The following NAV2 variants were observed in gnomAD, a reference collection of about 807,000 sequenced individuals.
NAV2 encodes helicase, APC down-regulated 1.
Under a neutral mutation model 223.2 loss-of-function variants are expected in NAV2, and 54 were observed. The ratio of observed to expected loss-of-function variants is 0.24; its 90% CI spans 0.19 to 0.30. NAV2 has a LOEUF of 0.30. Among genes scored for constraint, NAV2 ranks in the 10% least tolerant of loss-of-function variants. NAV2 has a pLI of 1.00. For synonymous variants in NAV2, 1,279 were observed against 1,239.3 expected (o/e 1.03, Z -0.67); for missense variants, 2,806 against 3,147.5 (o/e 0.89, Z 2.60).
chr11:19,481,446 T>C (rs778530853), intron 1 of NAV2, among the ~76,000 whole-genome samples: 4 of 152,174 alleles, frequency 2.6e-5, no homozygotes, highest in Non-Finnish European at 5.9e-5. Flanking sequence ...TTCTGCTAAA[T>C]ATCCAAGCAG....
At chr11:19,468,081 G>A (rs1216307501) in intron 1 of NAV2, among the ~76,000 whole-genome samples, 2 of 152,304 alleles carry the variant, frequency 1.3e-5, no homozygotes, top group Non-Finnish European at 2.9e-5. Flanking sequence ...GACTGTCCTA[G>A]GGAGAGGCTG....
intron 1 of NAV2, among the ~76,000 whole-genome samples, chr11:19,800,759 A>G (rs1247646417): frequency 1.3e-5 from 2 of 150,620 alleles, no homozygotes; most frequent in African/African-American, 4.9e-5. Flanking sequence ...GTCTTTTGGG[A>G]ACTTTTGTGC....
At chr11:19,512,828 G>A (rs1400337058) in intron 1 of NAV2, among the ~76,000 whole-genome samples, 1 of 152,174 alleles carries the variant, frequency 6.6e-6, no homozygotes, top group Middle Eastern at 3.2e-3. Flanking sequence ...AGATCAGCAC[G>A]ATATTGCATT....
chr11:19,652,239 G>A (rs908323167), intron 1 of NAV2, among the ~76,000 whole-genome samples: 19 of 152,124 alleles, frequency 1.2e-4, no homozygotes, highest in Non-Finnish European at 2.1e-4. Context: ...AGGAATCTTG[G>A]TTTATTACAA....
intron 1 of NAV2, among the ~76,000 whole-genome samples, chr11:19,509,897 A>G (rs2043226503): frequency 6.6e-6 from 1 of 152,190 alleles, no homozygotes; most frequent in South Asian, 2.1e-4. Flanking sequence ...TTTAGCAGGC[A>G]GGGACCCACC....
chr11:19,844,460 AGCC>A (rs1157020446), intron 3 of NAV2, among the ~76,000 whole-genome samples: 4 of 152,216 alleles, frequency 2.6e-5, no homozygotes, highest in African/African-American at 9.6e-5. Flanking sequence ...CAGATTGAGT[AGCC>A]CTAATCTGAA....
chr11:19,964,756 C>T (rs1045074251), intron 10 of NAV2, among the ~76,000 whole-genome samples: 4 of 151,704 alleles, frequency 2.6e-5, no homozygotes, highest in Admixed American at 6.6e-5. Context: ...CTGTCTCAGC[C>T]TCCCAAAACG....
At chr11:19,402,887 T>G (rs143707253) in intron 1 of NAV2, among the ~76,000 whole-genome samples, 285 of 152,176 alleles carry the variant, frequency 1.9e-3, no homozygotes, top group African/African-American at 6.7e-3. Context: ...AGAAAGAACA[T>G]AGAGATAAGA....
At chr11:20,103,790 G>A (rs190486605) in intron 34 of NAV2, 66 bp downstream of exon 34, 67 of 1,370,580 alleles carry the variant, frequency 4.9e-5, no homozygotes, top group Admixed American at 4.2e-4. Context: ...AAGAAGGGGC[G>A]GGTAGAGATG....
intron 1 of NAV2, among the ~76,000 whole-genome samples, chr11:19,358,699 G>A (rs1409312678): frequency 2.0e-5 from 3 of 152,062 alleles, no homozygotes; most frequent in African/African-American, 7.2e-5. Context: ...CAGAATCCAG[G>A]TTTTTGTCTG....
intron 1 of NAV2, among the ~76,000 whole-genome samples, chr11:19,514,208 T>C (rs141125104): frequency 3.9e-4 from 59 of 152,268 alleles, no homozygotes; most frequent in African/African-American, 1.3e-3. Context: ...AGCTCTTCTC[T>C]AGGGTGTTTT....
intron 11 of NAV2, among the ~76,000 whole-genome samples, chr11:20,003,285 C>T (rs927918351): frequency 3.9e-5 from 6 of 152,120 alleles, no homozygotes; most frequent in African/African-American, 1.4e-4. Context: ...AGGATGGATT[C>T]GGATGACATC....
chr11:19,466,984 T>TACACACACAC (rs3042688), intron 1 of NAV2, among the ~76,000 whole-genome samples: 5,461 of 124,482 alleles, frequency 0.044, 112 homozygotes, highest in Admixed American at 0.074. Flanking sequence ...TCTCTCTCTC[T>TACACACACAC]ACACACACAC....
At chr11:20,101,321 C>G (rs1157847950) in intron 32 of NAV2, 149 bp downstream of exon 32, 2 of 640,518 alleles carry the variant, frequency 3.1e-6, no homozygotes, top group African/African-American at 1.8e-5. Flanking sequence ...AGGGGGCTAG[C>G]AGAAAAGAAG....
At chr11:19,869,751 T>C (rs950269049) in intron 4 of NAV2, among the ~76,000 whole-genome samples, 7 of 152,150 alleles carry the variant, frequency 4.6e-5, no homozygotes, top group Admixed American at 1.3e-4. Context: ...AGTTTGGGCT[T>C]CAGATGATAG....
intron 1 of NAV2, among the ~76,000 whole-genome samples, chr11:19,402,807 C>T (rs1430146380): frequency 6.6e-6 from 1 of 152,190 alleles, no homozygotes; most frequent in Non-Finnish European, 1.5e-5. Flanking sequence ...GCGCATGGCA[C>T]ATTGTGGGTT....
intron 16 of NAV2, among the ~76,000 whole-genome samples, chr11:20,050,834 T>A (rs1048455251): frequency 6.6e-6 from 1 of 152,168 alleles, no homozygotes; most frequent in African/African-American, 2.4e-5. Flanking sequence ...CTCCAACAAG[T>A]CTGTTCTCCC....
chr11:19,401,381 G>A (rs1849678910), intron 1 of NAV2, among the ~76,000 whole-genome samples: 1 of 152,222 alleles, frequency 6.6e-6, no homozygotes, highest in Admixed American at 6.5e-5. Context: ...AAATGAAATT[G>A]TCTTATTGGT....
rs541897109 is a variant in NAV2 at position 19,968,799 on chromosome 11, A to G, written c.2646-15326A>G. Among the ~76,000 whole-genome samples, 105 of 152,284 alleles carry G rather than the reference A, an allele frequency of 6.9e-4. 1 individual carries two copies. Among genetic ancestry groups the G allele is most frequent in the Non-Finnish European group, 1.2e-3 (82 of 68,016 alleles). On this transcript the variant is annotated intron_variant, in intron 10 of 37. Coordinates refer to ENST00000349880, the MANE Select transcript of NAV2 (RefSeq NM_145117.5). Reference sequence around the variant, plus strand: ...GAGTGTCCTATAGGCAACTGACCATAGCTTGGCTCCTACTCTGGAGGTCAT... The same window carrying G: ...GAGTGTCCTATAGGCAACTGACCATGGCTTGGCTCCTACTCTGGAGGTCAT...
Sources: allele counts gnomAD v4.1 joint callset (sites outside exome capture counted in the v4.1 genomes callset), GRCh38; gene constraint gnomAD v4.1.1; transcripts MANE v1.5; gene names NCBI Gene and HGNC (gene_info 2026-07-23, HGNC 2026-07-21).